VGLL4: variants seen among roughly 807,000 people sequenced by gnomAD.
VGLL4 encodes transcription cofactor vestigial-like protein 4.
VGLL4 carries 7 observed loss-of-function variants against 21.0 expected under a neutral mutation model. The ratio of observed to expected loss-of-function variants is 0.33; its 90% CI spans 0.19 to 0.63. The LOEUF is 0.63. Among genes scored for constraint, VGLL4 ranks in the 20% least tolerant of loss-of-function variants. The pLI is 0.78. For missense variants in VGLL4, 394 were observed against 425.7 expected (o/e 0.93, Z 0.66); for synonymous variants, 222 against 173.2 (o/e 1.28, Z -2.21).
At chr3:11,593,206 T>C (rs909153757) in intron 2 of VGLL4, among the ~76,000 whole-genome samples, 5 of 152,216 alleles carry the variant, frequency 3.3e-5, no homozygotes, top group Non-Finnish European at 5.9e-5. Context: ...AACTGGTCCA[T>C]ATACATCCAA....
At position 11,568,801 on chromosome 3, in the gene VGLL4, C is replaced by A. The variant is rs1362050799; in HGVS notation, c.273-3782G>T. ...CTGGTCAGGACTGTGCCCGAGAGAGCCCACGGCATCCCCGCGAACACCCAA... is the reference window on the plus strand; with the variant it reads ...CTGGTCAGGACTGTGCCCGAGAGAGACCACGGCATCCCCGCGAACACCCAA... On this transcript the variant is annotated intron_variant, in intron 2 of 4. Transcript: ENST00000430365. This position sits in a 1 kb window ranked among gnomAD's most constrained non-coding sequence, Gnocchi z 5.9. 3 of 1,436,614 alleles carry A rather than the reference C, an allele frequency of 2.1e-6. No homozygotes were observed. Among genetic ancestry groups the A allele is most frequent in the South Asian group, 2.9e-5 (2 of 68,090 alleles). 89.0% of individuals were successfully genotyped at this position (1,436,614 alleles called of 1,614,324 possible). A position where few individuals can be genotyped will look rare whatever the true frequency, so the allele number is the denominator to read the frequency against.
At position 11,719,070 on chromosome 3, in the gene VGLL4, GGA is replaced by G. The variant is rs944501234; in HGVS notation, c.-14+1322_-14+1323del. Among the ~76,000 whole-genome samples, 52 of 152,316 alleles carry G rather than the reference GGA, an allele frequency of 3.4e-4. No homozygotes were observed. The highest frequency in any genetic ancestry group is 1.2e-3 in the African/African-American group (51 of 41,582). On this transcript the variant is annotated intron_variant, in intron 1 of 5. Coordinates refer to the VGLL4 transcript ENST00000273038. This position sits in a 1 kb window ranked among gnomAD's most constrained non-coding sequence, Gnocchi z 4.0. ...TCCGCGAGGCCTGCACTGGGTGCAG[GGA>G]GAGTGTGCAGTCCTGTTTTGGGGAC... is the stretch of plus-strand genomic sequence containing the variant.
intron 2 of VGLL4, among the ~76,000 whole-genome samples, chr3:11,575,290 G>T (rs1385575263): frequency 1.3e-5 from 2 of 152,246 alleles, no homozygotes; most frequent in African/African-American, 4.8e-5. Flanking sequence ...TCTCCTGTCA[G>T]TGTGGACTCT....
chr3:11,679,699 A>G (rs1406500880), intron 2 of VGLL4, among the ~76,000 whole-genome samples: 3 of 152,080 alleles, frequency 2.0e-5, no homozygotes, highest in Admixed American at 1.3e-4. Flanking sequence ...AAGAAGAAAC[A>G]TGTTTATAGA....
intron 2 of VGLL4, among the ~76,000 whole-genome samples, chr3:11,689,785 G>C (rs2076500866): frequency 6.6e-6 from 1 of 152,238 alleles, no homozygotes; most frequent in Non-Finnish European, 1.5e-5. Context: ...TAAGAGGACA[G>C]AAAGTGTCCA....
chr3:11,626,281 C>CA (rs1337570109), intron 1 of VGLL4: 1 of 441,374 alleles, frequency 2.3e-6, no homozygotes, highest in Non-Finnish European at 4.5e-6. Flanking sequence ...CTTTTGAACT[C>CA]AAAGACACAA....
chr3:11,561,092 C>A (rs2072947790), intron 3 of VGLL4, among the ~76,000 whole-genome samples: 1 of 151,920 alleles, frequency 6.6e-6, no homozygotes, highest in Admixed American at 6.6e-5. Flanking sequence ...CCTTCCTGAG[C>A]CTGGCTGCAC....
chr3:11,668,859 C>T (rs533165976), intron 2 of VGLL4, among the ~76,000 whole-genome samples: 4 of 152,226 alleles, frequency 2.6e-5, no homozygotes, highest in African/African-American at 9.6e-5. Flanking sequence ...ATCCCATTAC[C>T]TGTGTTCTAC....
chr3:11,680,700 C>G (rs1437225030), intron 2 of VGLL4, among the ~76,000 whole-genome samples: 1 of 152,218 alleles, frequency 6.6e-6, no homozygotes, highest in Non-Finnish European at 1.5e-5. Flanking sequence ...ACTTAGTGTC[C>G]ACCCACACTC....
At chr3:11,657,820 A>G (rs1043778624) in intron 2 of VGLL4, among the ~76,000 whole-genome samples, 4 of 152,232 alleles carry the variant, frequency 2.6e-5, no homozygotes, top group East Asian at 1.9e-4. Context: ...ACAGGCTGCC[A>G]TAAAGAAAAT....
chr3:11,636,101 CTT>C (rs1016959193), intron 1 of VGLL4, among the ~76,000 whole-genome samples: 8 of 152,204 alleles, frequency 5.3e-5, no homozygotes, highest in African/African-American at 1.2e-4. Flanking sequence ...AAATTAATCT[CTT>C]GTCGCGTTAA....
chr3:11,615,885 T>G (rs908245853), intron 1 of VGLL4, among the ~76,000 whole-genome samples: 5 of 152,158 alleles, frequency 3.3e-5, no homozygotes, highest in Admixed American at 6.5e-5. Context: ...TTAGCAAATA[T>G]TTGTTGAATA....
At chr3:11,618,881 ATTTC>A (rs1369529660) in intron 1 of VGLL4, among the ~76,000 whole-genome samples, 5 of 152,120 alleles carry the variant, frequency 3.3e-5, no homozygotes, top group Admixed American at 1.3e-4. Context: ...TTTCATTTCT[ATTTC>A]TTTCTATCCT....
At chr3:11,717,838 A>G (rs2124837414) in intron 1 of VGLL4, among the ~76,000 whole-genome samples, 1 of 152,282 alleles carries the variant, frequency 6.6e-6, no homozygotes, top group Admixed American at 6.5e-5. Flanking sequence ...TAATTCCTGA[A>G]ACTCTGTGAT....
chr3:11,606,907 C>T (rs1401147270), intron 1 of VGLL4, among the ~76,000 whole-genome samples: 1 of 152,154 alleles, frequency 6.6e-6, no homozygotes, highest in Non-Finnish European at 1.5e-5. Context: ...TCCGTGCCAC[C>T]TTTAAGAGCT....
At chr3:11,663,563 C>T (rs1311639797) in intron 2 of VGLL4, among the ~76,000 whole-genome samples, 1 of 151,950 alleles carries the variant, frequency 6.6e-6, no homozygotes. Context: ...ACTAAAAATA[C>T]AAAAATTAGC....
At chr3:11,662,285 A>C (rs1325773474) in intron 2 of VGLL4, among the ~76,000 whole-genome samples, 1 of 152,212 alleles carries the variant, frequency 6.6e-6, no homozygotes, top group Non-Finnish European at 1.5e-5. Context: ...TGAATCACTA[A>C]ATTCCTTTTA....
chr3:11,631,019 G>A (rs932488952), intron 1 of VGLL4, among the ~76,000 whole-genome samples: 2 of 152,212 alleles, frequency 1.3e-5, no homozygotes, highest in Admixed American at 1.3e-4. Context: ...GAAGAGATGA[G>A]CAAATTGTGG....
At chr3:11,702,941 A>T (rs761268044) in intron 2 of VGLL4, 2 of 1,593,732 alleles carry the variant, frequency 1.3e-6, no homozygotes, top group Non-Finnish European at 1.7e-6. Flanking sequence ...TAAAGCACTT[A>T]AGCTATTTTA....
Sources: gnomAD v4.1 joint callset for allele counts (sites outside exome capture counted in the v4.1 genomes callset) on GRCh38, gnomAD v4.1.1 for gene constraint, Gnocchi (gnomAD v3.1) non-coding constraint, MANE v1.5 for transcripts, NCBI Gene and HGNC (gene_info 2026-07-23, HGNC 2026-07-21) for gene names.